Variants in MGAT4A observed in about 807,000 individuals in gnomAD.
MGAT4A encodes N-acetylglucosaminyltransferase IVa.
Under a neutral mutation model 74.1 loss-of-function variants are expected in MGAT4A, and 33 were observed. The ratio of observed to expected loss-of-function variants is 0.45; its 90% CI spans 0.34 to 0.60. The LOEUF is 0.60. Among genes scored for constraint, MGAT4A ranks in the 20% least tolerant of loss-of-function variants. MGAT4A has a pLI of 0.02. For synonymous variants in MGAT4A, 198 were observed against 210.4 expected (o/e 0.94, Z 0.51); for missense variants, 479 against 628.3 (o/e 0.76, Z 2.54).
intron 5 of MGAT4A, among the ~76,000 whole-genome samples, chr2:98,660,829 A>C (rs937057266): frequency 6.6e-6 from 1 of 152,220 alleles, no homozygotes; most frequent in African/African-American, 2.4e-5. Context: ...AGAAAACATA[A>C]GGGAAAAACT....
At position 98,622,175 on chromosome 2, in the gene MGAT4A, T is replaced by A. The variant is rs1575235908; in HGVS notation, c.*3391A>T. ...TCATCATCATTTGCATTATGTTCTATTCCCATGTCTGCTTTTAACCTCATG... is the reference window on the plus strand; with the variant it reads ...TCATCATCATTTGCATTATGTTCTAATCCCATGTCTGCTTTTAACCTCATG... On this transcript the variant is annotated 3_prime_UTR_variant, in exon 16 of 16. Coordinates refer to ENST00000393487, the MANE Select transcript of MGAT4A (RefSeq NM_012214.3). 7.1e-6 allele frequency: 7 copies of A among 985,498 alleles called. No homozygotes were observed. The East Asian group carries it at 5.7e-4, about 80-fold the overall frequency. The allele number at this position is 985,498 out of a possible 1,614,324, so 61.0% of individuals were successfully genotyped here.
At chr2:98,642,801 T>C (rs989346884) in intron 10 of MGAT4A, among the ~76,000 whole-genome samples, 1 of 152,232 alleles carries the variant, frequency 6.6e-6, no homozygotes, top group Non-Finnish European at 1.5e-5. Flanking sequence ...CTGCCATTGC[T>C]AGATTCCATG....
intron 2 of MGAT4A, among the ~76,000 whole-genome samples, chr2:98,714,605 A>G (rs560158644): frequency 6.6e-6 from 1 of 152,286 alleles, no homozygotes; most frequent in East Asian, 1.9e-4. Flanking sequence ...GGTAGGAATG[A>G]GCACAGCAAG....
At chr2:98,698,353 G>A (rs950857832) in intron 2 of MGAT4A, among the ~76,000 whole-genome samples, 1 of 152,284 alleles carries the variant, frequency 6.6e-6, no homozygotes, top group Admixed American at 6.5e-5. Flanking sequence ...GGTGGCAGAG[G>A]TTGCAGTGAG....
At chr2:98,711,942 A>C (rs1227886959) in intron 2 of MGAT4A, among the ~76,000 whole-genome samples, 1 of 152,206 alleles carries the variant, frequency 6.6e-6, no homozygotes, top group Non-Finnish European at 1.5e-5. Context: ...TATAGCAAGT[A>C]AAATTTAGGA....
At chr2:98,644,880 C>T (rs904174881) in intron 9 of MGAT4A, among the ~76,000 whole-genome samples, 20 of 152,236 alleles carry the variant, frequency 1.3e-4, no homozygotes, top group Admixed American at 1.1e-3. Context: ...GTGATCCACC[C>T]GCCTCGGCCT....
At chr2:98,706,892 GA>G (rs11324730) in intron 2 of MGAT4A, among the ~76,000 whole-genome samples, 46,621 of 127,338 alleles carry the variant, frequency 0.37, 7,468 homozygotes, top group Non-Finnish European at 0.4. Flanking sequence ...CATTAAAAAT[GA>G]AAAAAAAAAA....
intron 14 of MGAT4A, among the ~76,000 whole-genome samples, chr2:98,626,631 G>C (rs1415685112): frequency 1.3e-5 from 2 of 152,168 alleles, no homozygotes; most frequent in Non-Finnish European, 2.9e-5. Flanking sequence ...TACAGGAAGA[G>C]AGAAAACAAA....
rs745367252 is a variant in MGAT4A, at chr2:98,625,768, T to C, written c.1536A>G (p.Arg512=). Reference sequence around the variant, plus strand: ...CAGCAGAATTCTGAATAACTGAAAGTCGAAAGGCTGAAATGGGATTGAGAC... The same window carrying C: ...CAGCAGAATTCTGAATAACTGAAAGCCGAAAGGCTGAAATGGGATTGAGAC... ...DPSLNPISAF[R]LSVIQNSAVW... is the part of the protein sequence containing the mutation. Residue 512 remains arginine, a synonymous_variant, in exon 15 of 16, where the codon CGA becomes CGG. Coordinates refer to ENST00000393487, the MANE Select transcript of MGAT4A (RefSeq NM_012214.3). The C allele has an allele frequency of 3.7e-6, 6 of 1,612,482 alleles. No homozygotes were observed. The East Asian group carries it at 1.3e-4, about 36-fold the overall frequency.
chr2:98,707,576 A>G (rs1307716671), intron 2 of MGAT4A, among the ~76,000 whole-genome samples: 1 of 152,198 alleles, frequency 6.6e-6, no homozygotes, highest in Non-Finnish European at 1.5e-5. Context: ...GCTCCTCTAC[A>G]ATCAACAGCG....
chr2:98,698,710 G>T (rs888635894), intron 2 of MGAT4A, among the ~76,000 whole-genome samples: 4 of 152,048 alleles, frequency 2.6e-5, no homozygotes, highest in African/African-American at 9.7e-5. Context: ...TTACCAAGCT[G>T]CTTGGAGTGC....
intron 5 of MGAT4A, among the ~76,000 whole-genome samples, chr2:98,658,552 T>C (rs1283894572): frequency 6.6e-6 from 1 of 152,168 alleles, no homozygotes; most frequent in East Asian, 1.9e-4. Context: ...ATCCAAACTA[T>C]TGTGAATAGC....
At chr2:98,659,203 G>A (rs750895656) in intron 5 of MGAT4A, among the ~76,000 whole-genome samples, 1 of 152,188 alleles carries the variant, frequency 6.6e-6, no homozygotes, top group African/African-American at 2.4e-5. Flanking sequence ...GGTAAACGGA[G>A]TCTGTCTCTG....
chr2:98,702,679 C>T (rs996886437), intron 2 of MGAT4A, among the ~76,000 whole-genome samples: 4 of 152,212 alleles, frequency 2.6e-5, no homozygotes, highest in Non-Finnish European at 4.4e-5. Flanking sequence ...GAGAAGGGAG[C>T]CCTACCGGCT....
At chr2:98,682,146 G>T (rs1045342259) in intron 2 of MGAT4A, among the ~76,000 whole-genome samples, 7 of 152,196 alleles carry the variant, frequency 4.6e-5, no homozygotes, top group Admixed American at 3.3e-4. Flanking sequence ...ATTTGGGCCA[G>T]GTGCGGTGGC....
intron 2 of MGAT4A, among the ~76,000 whole-genome samples, chr2:98,715,830 G>C (rs1246416521): frequency 1.3e-5 from 2 of 152,212 alleles, no homozygotes; most frequent in African/African-American, 2.4e-5. Context: ...ATCAAAGGAT[G>C]TTAACGTTTG....
intron 12 of MGAT4A, among the ~76,000 whole-genome samples, 162 bp downstream of exon 12, chr2:98,639,646 C>T (rs557835978): frequency 1.3e-5 from 2 of 152,266 alleles, no homozygotes; most frequent in Non-Finnish European, 2.9e-5. Context: ...ACAACATACT[C>T]GTTTTATTAT....
chr2:98,626,730 G>A (rs1351594660), intron 14 of MGAT4A, among the ~76,000 whole-genome samples: 1 of 152,166 alleles, frequency 6.6e-6, no homozygotes, highest in Non-Finnish European at 1.5e-5. Context: ...CCAAGGAGAA[G>A]AACATAATTC....
intron 5 of MGAT4A, among the ~76,000 whole-genome samples, chr2:98,660,452 ACACAC>A: frequency 7.6e-6 from 1 of 132,288 alleles, no homozygotes; most frequent in Admixed American, 7.7e-5. Context: ...ACACACACAC[ACACAC>A]AACAAATAGC....
Sources: allele counts gnomAD v4.1 joint callset (sites outside exome capture counted in the v4.1 genomes callset), GRCh38; gene constraint gnomAD v4.1.1; transcripts MANE v1.5; gene names NCBI Gene and HGNC (gene_info 2026-07-23, HGNC 2026-07-21).